Variants in NFIC observed in about 807,000 individuals in gnomAD.
NFIC encodes nuclear factor I C, also known as nuclear factor 1 C-type.
Under a neutral mutation model 54.4 loss-of-function variants are expected in NFIC, and 12 were observed. The observed-to-expected ratio is 0.22, with a 90% CI of 0.14 to 0.36. The LOEUF (loss-of-function observed/expected upper bound fraction) is 0.36. Among genes scored for constraint, NFIC ranks in the 10% least tolerant of loss-of-function variants. NFIC has a pLI of 1.00. For missense variants in NFIC, 575 were observed against 718.2 expected (o/e 0.80, Z 2.28); for synonymous variants, 322 against 319.2 (o/e 1.01, Z -0.09).
chr19:3,402,828 G>A (rs1308701678), intron 2 of NFIC, among the ~76,000 whole-genome samples: 1 of 152,184 alleles, frequency 6.6e-6, no homozygotes, highest in East Asian at 1.9e-4. Context: ...TGGGCCAGGT[G>A]CATTGGAGGA....
intron 2 of NFIC, among the ~76,000 whole-genome samples, chr19:3,419,201 G>A (rs1223761292): frequency 6.6e-6 from 1 of 152,172 alleles, no homozygotes; most frequent in Non-Finnish European, 1.5e-5. Flanking sequence ...CCCTAAAGCT[G>A]TGCATGGAAA....
intron 1 of NFIC, chr19:3,359,713 C>T: frequency 7.0e-7 from 1 of 1,418,552 alleles, no homozygotes; most frequent in Non-Finnish European, 9.3e-7. Context: ...CTTTCGTTTT[C>T]GCCCGGGGAC....
chr19:3,420,989 C>G (rs2081945841), intron 2 of NFIC, among the ~76,000 whole-genome samples: 1 of 152,188 alleles, frequency 6.6e-6, no homozygotes. Flanking sequence ...TCCCATAGTG[C>G]TGGGAATACA....
Position 3,449,470 on chromosome 19 carries a change from G to T in NFIC, c.1084+331G>T, listed in dbSNP as rs147510096. Among the ~76,000 whole-genome samples, 9 of 152,122 alleles carry T rather than the reference G, an allele frequency of 5.9e-5. No individual in the cohort carries two copies. In the South Asian group the frequency reaches 6.2e-4, roughly 11 times the overall value. On this transcript the variant is annotated intron_variant, in intron 7 of 10. Coordinates refer to ENST00000443272, the MANE Select transcript of NFIC (RefSeq NM_001245002.2). ...TGATGGACAGGCAGGATCAGAAGCT[G>T]CCAATGAGGCCAGGCACAGTGGCTC... is the stretch of plus-strand genomic sequence containing the variant.
At chr19:3,385,666 G>C (rs1400432322) in intron 2 of NFIC, among the ~76,000 whole-genome samples, 1 of 146,802 alleles carries the variant, frequency 6.8e-6, no homozygotes, top group South Asian at 2.3e-4. Flanking sequence ...TCTGCCTCCC[G>C]GGTTCAAGCA....
At chr19:3,439,964 A>G (rs2082267384) in intron 6 of NFIC, among the ~76,000 whole-genome samples, 1 of 152,088 alleles carries the variant, frequency 6.6e-6, no homozygotes, top group Admixed American at 6.5e-5. Flanking sequence ...CTGGGATTAC[A>G]GGCGTGAGCC....
At chr19:3,444,131 G>A (rs1398351170) in intron 6 of NFIC, among the ~76,000 whole-genome samples, 3 of 138,894 alleles carry the variant, frequency 2.2e-5, no homozygotes, top group Admixed American at 2.1e-4. Flanking sequence ...AGATGGGCGT[G>A]TGTGACAAAT....
At chr19:3,407,844 G>A (rs976260339) in intron 2 of NFIC, among the ~76,000 whole-genome samples, 7 of 152,168 alleles carry the variant, frequency 4.6e-5, no homozygotes, top group African/African-American at 7.2e-5. Flanking sequence ...TGTCAGAGCT[G>A]GGCTGCAAAG....
In NFIC at chr19:3,404,417, G is replaced by A. The variant is rs543808771; in HGVS notation, c.563-20689G>A. On this transcript the variant is annotated intron_variant, in intron 2 of 10. Transcript: ENST00000443272. ...TGCCGAGTGGCAGATAATGGGGAGGGGGCGCGGAGGCGTGGGGAGCCCTGG... is the reference window on the plus strand; with the variant it reads ...TGCCGAGTGGCAGATAATGGGGAGGAGGCGCGGAGGCGTGGGGAGCCCTGG... Among the ~76,000 whole-genome samples the A allele has an allele frequency of 2.5e-4, 38 of 152,290 alleles. No individual in the cohort carries two copies. In the South Asian group the frequency reaches 7.4e-3, roughly 30 times the overall value.
chr19:3,449,019 T>TCGTCCC lies in NFIC; in HGVS notation c.967_972dup (p.Ser323_Pro324dup). On this transcript the variant is annotated inframe_insertion, in exon 7 of 11. Coordinates refer to ENST00000443272, the MANE Select transcript of NFIC (RefSeq NM_001245002.2). ...TCGTCCCATCCCCTCCACAGGCATC[T>TCGTCCC]CGTCCCCGGTGAAGAAGACAGAGAT... The TCGTCCC allele has an allele frequency of 1.9e-6, 3 of 1,612,574 alleles. No homozygotes were observed. Among genetic ancestry groups the TCGTCCC allele is most frequent in the Non-Finnish European group, 2.5e-6 (3 of 1,179,298 alleles).
At chr19:3,426,273 C>G (rs2082026473) in intron 3 of NFIC, among the ~76,000 whole-genome samples, 1 of 151,858 alleles carries the variant, frequency 6.6e-6, no homozygotes, top group East Asian at 1.9e-4. Flanking sequence ...GAGACAGAGT[C>G]TCACTATGTT....
At chr19:3,371,376 G>A (rs2081006849) in intron 1 of NFIC, 1 of 149,368 alleles carries the variant, frequency 6.7e-6, no homozygotes, top group South Asian at 2.1e-4. Context: ...CCAGGCTGGA[G>A]TGCAGCGGTG....
upstream of NFIC, among the ~76,000 whole-genome samples, chr19:3,366,263 T>C (rs921052483): frequency 1.4e-5 from 2 of 141,976 alleles, no homozygotes; most frequent in Non-Finnish European, 3.1e-5. Flanking sequence ...TCCTGAGACG[T>C]CGGGGGAGGC....
At chr19:3,422,325 C>A (rs995597798) in intron 2 of NFIC, among the ~76,000 whole-genome samples, 1 of 151,880 alleles carries the variant, frequency 6.6e-6, no homozygotes, top group African/African-American at 2.4e-5. Flanking sequence ...CCTCCCGCTT[C>A]GGCCTCCCAA....
At chr19:3,368,985 G>A (rs1044528645) in intron 1 of NFIC, among the ~76,000 whole-genome samples, 14 of 147,308 alleles carry the variant, frequency 9.5e-5, no homozygotes, top group Admixed American at 5.4e-4. Context: ...GTCTCTCCCC[G>A]CCTCTGTTTC....
intron 2 of NFIC, among the ~76,000 whole-genome samples, chr19:3,400,801 C>T (rs899195967): frequency 2.6e-5 from 4 of 152,332 alleles, no homozygotes; most frequent in Admixed American, 1.3e-4. Context: ...GAGATTGTAC[C>T]ACTACACTCC....
chr19:3,399,317 C>G (rs1369957848), intron 2 of NFIC, among the ~76,000 whole-genome samples: 1 of 152,222 alleles, frequency 6.6e-6, no homozygotes, highest in Non-Finnish European at 1.5e-5. Context: ...TGGCTCACAC[C>G]TGTAATCCCA....
In NFIC at chr19:3,448,998, C is replaced by A. The variant is rs758737315; in HGVS notation, c.959-16C>A. On this transcript the variant is annotated splice_polypyrimidine_tract_variant and intron_variant, in intron 6 of 10. Transcript: ENST00000443272. The stretch of plus-strand genomic sequence containing the variant: ...TGTGACCAGCCTGTGACTCTCTCGT[C>A]CCATCCCCTCCACAGGCATCTCGTC... 6.2e-7 allele frequency: 1 copy of A among 1,609,464 alleles called. No homozygotes were observed. The highest frequency in any genetic ancestry group is 8.5e-7 in the Non-Finnish European group (1 of 1,177,464).
chr19:3,447,687 A>C (rs1353809064), intron 6 of NFIC, among the ~76,000 whole-genome samples: 1 of 152,208 alleles, frequency 6.6e-6, no homozygotes, highest in Non-Finnish European at 1.5e-5. Context: ...TGGAAATTCC[A>C]GAGCTTTACA....
Sources: gnomAD v4.1 joint callset for allele counts (sites outside exome capture counted in the v4.1 genomes callset) on GRCh38, gnomAD v4.1.1 for gene constraint, MANE v1.5 for transcripts, NCBI Gene and HGNC (gene_info 2026-07-23, HGNC 2026-07-21) for gene names.